The following SEC31B variants were observed in gnomAD, a reference collection of about 807,000 sequenced individuals.
SEC31B encodes protein transport protein Sec31B.
In SEC31B, 113 loss-of-function variants were observed where a neutral mutation model predicts 135.0. The observed-to-expected ratio is 0.84, with a 90% CI of 0.72 to 0.98. The LOEUF (loss-of-function observed/expected upper bound fraction) is 0.98. SEC31B is among the 50% of genes least tolerant of loss of function. The probability of loss-of-function intolerance (pLI) is 0.00; values close to 1 mark genes in which losing one functional copy is unlikely to be tolerated. For missense variants in SEC31B, 1,296 were observed against 1,421.1 expected (o/e 0.91, Z 1.42); for synonymous variants, 508 against 549.4 (o/e 0.92, Z 1.05).
intron 24 of SEC31B, among the ~76,000 whole-genome samples, chr10:100,488,311 T>C (rs1460472275): frequency 6.6e-6 from 1 of 151,514 alleles, no homozygotes; most frequent in African/African-American, 2.4e-5. Context: ...TACAAAAAAT[T>C]AGCCGGGTAT....
In SEC31B at chr10:100,495,422, G is replaced by A; in HGVS notation, c.2435C>T (p.Thr812Ile). Residue 812 changes from threonine to isoleucine, a missense_variant, in exon 19 of 26, where the codon ACA (threonine) becomes ATA (isoleucine). Physicochemically the swap from Thr to Ile is moderately conservative, Grantham distance 89. Coordinates refer to ENST00000370345, the MANE Select transcript of SEC31B (RefSeq NM_015490.4). ...VVGATLHSKE[T>I]SSYRLGSQPS... Reference sequence around the variant, plus strand: ...CTGGGATCCCAATCTGTAAGATGATGTCTCTTTAGAGTGGAGGGTAGCTCC... The same window carrying A: ...CTGGGATCCCAATCTGTAAGATGATATCTCTTTAGAGTGGAGGGTAGCTCC... The A allele has an allele frequency of 1.2e-6, 2 of 1,614,012 alleles. No homozygotes were observed. Among genetic ancestry groups the A allele is most frequent in the Non-Finnish European group, 1.7e-6 (2 of 1,179,994 alleles).
rs1851541343 is a variant in SEC31B, at chr10:100,502,443, AG to A, written c.1220del (p.Pro407LeufsTer12). On this transcript the variant is annotated frameshift_variant, in exon 11 of 26. Transcript: ENST00000370345. LOFTEE classifies it high-confidence loss of function. ...GGCAAGGCTGTGGCACCAGATGGGC[AG>A]GGGTGCTGGGGAGGCCAAAAGTAAC... Reference protein sequence around the residue: ...KLVTFGLPSTPAHLVPQPCPR... With the variant: ...KLVTFGLPSTXAHLVPQPCPR... 1.2e-6 allele frequency: 2 copies of A among 1,614,032 alleles called. No homozygotes were observed. Among genetic ancestry groups the A allele is most frequent in the African/African-American group, 1.3e-5 (1 of 75,042 alleles).
rs576151496 is a variant in SEC31B at position 100,496,490 on chromosome 10, T to C, written c.2137-59A>G. On this transcript the variant is annotated intron_variant, in intron 17 of 25. Coordinates refer to ENST00000370345, the MANE Select transcript of SEC31B (RefSeq NM_015490.4). The stretch of plus-strand genomic sequence containing the variant: ...AATGAGGCATATCCTGCTCTCTAAG[T>C]CCACGCAGCTCATTCAGGGATCTCC... 7.9e-5 allele frequency: 123 copies of C among 1,564,366 alleles called. No homozygotes were observed. The African/African-American group carries it at 1.5e-3, about 19-fold the overall frequency.
intron 3 of SEC31B, among the ~76,000 whole-genome samples, chr10:100,511,801 A>G (rs1851741906): frequency 6.6e-6 from 1 of 152,206 alleles, no homozygotes; most frequent in Non-Finnish European, 1.5e-5. Flanking sequence ...CCTCCCTAGA[A>G]GTCAAACAGA....
intron 7 of SEC31B, among the ~76,000 whole-genome samples, chr10:100,507,023 G>C (rs1851645351): frequency 6.6e-6 from 1 of 152,194 alleles, no homozygotes; most frequent in Non-Finnish European, 1.5e-5. Flanking sequence ...TTAGAAAGAA[G>C]AGATTGTGGA....
intron 13 of SEC31B, 71 bp downstream of exon 13, chr10:100,499,089 G>A (rs1357990742): frequency 8.1e-7 from 1 of 1,241,684 alleles, no homozygotes; most frequent in Non-Finnish European, 1.2e-6. Context: ...AAAGGGCCAG[G>A]AAGGGAAAGA....
chr10:100,491,802 T>A (rs1851305392), intron 19 of SEC31B, among the ~76,000 whole-genome samples: 1 of 152,216 alleles, frequency 6.6e-6, no homozygotes, highest in African/African-American at 2.4e-5. Context: ...GGACTTTTTG[T>A]AAGTGTTTAG....
intron 18 of SEC31B, 149 bp downstream of exon 18, chr10:100,496,108 TC>T: frequency 1.2e-6 from 1 of 804,000 alleles, no homozygotes; most frequent in East Asian, 2.7e-5. Flanking sequence ...CATCTGATCT[TC>T]CCCCAGTAGA....
chr10:100,489,994 G>T lies in SEC31B; in HGVS notation c.2965+14C>A. On this transcript the variant is annotated intron_variant, in intron 21 of 25. Transcript: ENST00000370345. Reference sequence around the variant, plus strand: ...CAATAACCCAGAAGAGGGATCCATGGAAGGAAGACTGACCTGGGTGAGGAG... The same window carrying T: ...CAATAACCCAGAAGAGGGATCCATGTAAGGAAGACTGACCTGGGTGAGGAG... 5 of 1,536,206 alleles carry T rather than the reference G, an allele frequency of 3.3e-6. No homozygotes were observed. Among genetic ancestry groups the T allele is most frequent in the Non-Finnish European group, 4.4e-6 (5 of 1,146,720 alleles).
chr10:100,494,860 T>C (rs1227971480), intron 19 of SEC31B: 1 of 146,564 alleles, frequency 6.8e-6, no homozygotes, highest in Non-Finnish European at 1.5e-5. Flanking sequence ...GGAGTCTCGC[T>C]CCGTTGCCAG....
chr10:100,499,010 A>G lies in SEC31B; in HGVS notation c.1584+150T>C, dbSNP rs1851466512. The G allele has an allele frequency of 7.1e-6, 5 of 706,840 alleles. No homozygotes were observed. In the South Asian group the frequency reaches 9.0e-5, roughly 13 times the overall value. 43.8% of individuals were successfully genotyped at this position (706,840 alleles called of 1,614,324 possible). On this transcript the variant is annotated intron_variant, in intron 13 of 25. Coordinates refer to ENST00000370345, the MANE Select transcript of SEC31B (RefSeq NM_015490.4). ...CAAAAGCTTAGGGACTCTGTGTCTC[A>G]CTCTGGTTCTAAGAGAGTGAGGAGT...
At chr10:100,505,250 C>T (rs762965843) in intron 10 of SEC31B, 111 bp downstream of exon 10, 17 of 1,360,868 alleles carry the variant, frequency 1.2e-5, no homozygotes, top group Middle Eastern at 4.5e-4. Flanking sequence ...AGTGGGAATA[C>T]GTCTGCTACA....
At chr10:100,488,810 G>A (rs1851241251) in intron 24 of SEC31B, 48 bp downstream of exon 24, 1 of 1,528,438 alleles carries the variant, frequency 6.5e-7, no homozygotes, top group Non-Finnish European at 8.8e-7. Context: ...GGGTCCTGGA[G>A]CCAGCGAGGG....
At position 100,498,897 on chromosome 10, in the gene SEC31B, C is replaced by T. The variant is rs973674863; in HGVS notation, c.1585-93G>A. 2.8e-5 allele frequency: 28 copies of T among 989,012 alleles called. No individual in the cohort carries two copies. In the Admixed American group the frequency reaches 5.2e-4, roughly 18 times the overall value. 61.3% of individuals were successfully genotyped at this position (989,012 alleles called of 1,614,324 possible). On this transcript the variant is annotated intron_variant, in intron 13 of 25. Transcript: ENST00000370345. ...AGCCCTGAGAGCTCTACTATTTGGC[C>T]GTTAATGGGTAAAACTAAAAAAATA...
At chr10:100,496,524 G>T in intron 17 of SEC31B, 93 bp from the exon 18 acceptor site, 1 of 1,342,388 alleles carries the variant, frequency 7.4e-7, no homozygotes, top group Non-Finnish European at 1.0e-6. Flanking sequence ...CCCACTATGG[G>T]TACAGATGAG....
chr10:100,514,183 T>A (rs1025627630), intron 3 of SEC31B, among the ~76,000 whole-genome samples: 9 of 151,964 alleles, frequency 5.9e-5, no homozygotes, highest in Admixed American at 2.0e-4. Flanking sequence ...AGATTCTGTC[T>A]CCAGAAAACA....
intron 3 of SEC31B, among the ~76,000 whole-genome samples, chr10:100,510,805 T>G (rs1265122464): frequency 1.3e-5 from 2 of 152,244 alleles, no homozygotes; most frequent in Non-Finnish European, 2.9e-5. Flanking sequence ...CAATGCTAGC[T>G]AAGAGGCTAC....
In SEC31B at chr10:100,507,582, G is replaced by A. The variant is rs1333236960; in HGVS notation, c.640-15C>T. 1 of 1,614,024 alleles carries A rather than the reference G, an allele frequency of 6.2e-7. No individual in the cohort carries two copies. The highest frequency in any genetic ancestry group is 1.3e-5 in the African/African-American group (1 of 75,052). ...GAGCAGTGCATCTGTGAACAAAGCA[G>A]ATCCCAATGGGTGCTGTAACCTGAC... On this transcript the variant is annotated splice_polypyrimidine_tract_variant and intron_variant, in intron 6 of 25. Coordinates refer to ENST00000370345, the MANE Select transcript of SEC31B (RefSeq NM_015490.4).
intron 10 of SEC31B, 132 bp from the exon 11 acceptor site, chr10:100,502,616 G>C (rs951230822): frequency 3.1e-6 from 2 of 636,980 alleles, no homozygotes; most frequent in Non-Finnish European, 5.4e-6. Flanking sequence ...AGAGTTCCTG[G>C]GGGGTGGAAT....
Sources: gnomAD v4.1 joint callset for allele counts (sites outside exome capture counted in the v4.1 genomes callset) on GRCh38, gnomAD v4.1.1 for gene constraint, MANE v1.5 for transcripts, NCBI Gene and HGNC (gene_info 2026-07-23, HGNC 2026-07-21) for gene names.